TG: variants seen among roughly 807,000 people sequenced by gnomAD.
TG encodes the protein thyroglobulin, also known as thyroid hormones.
In TG, 270 loss-of-function variants were observed where a neutral mutation model predicts 324.7. That is an observed-to-expected ratio of 0.83 (90% confidence interval 0.75 to 0.92). The LOEUF (loss-of-function observed/expected upper bound fraction) is 0.92. Among genes scored for constraint, TG ranks in the 40% least tolerant of loss-of-function variants. TG has a pLI of 0.00. For synonymous variants in TG, 1,401 were observed against 1,327.0 expected, an observed-to-expected ratio of 1.06 and a Z score of -1.21; for missense variants, 3,591 against 3,456.4, an observed-to-expected ratio of 1.04 and a Z score of -0.98.
chr8:133,025,764 C>T (rs1177867924), intron 40 of TG, among the ~76,000 whole-genome samples: 1 of 152,172 alleles, frequency 6.6e-6, no homozygotes, highest in African/African-American at 2.4e-5. Context: ...TTGAAAATTG[C>T]AGTTCAGAAC....
chr8:132,875,059 C>T (rs1224263191), intron 5 of TG, among the ~76,000 whole-genome samples: 1 of 152,178 alleles, frequency 6.6e-6, no homozygotes, highest in Non-Finnish European at 1.5e-5. Context: ...CCTCAGTGTT[C>T]CCATCCGTCA....
intron 26 of TG, 140 bp from the exon 27 acceptor site, chr8:132,948,636 G>C (rs1165579954): frequency 1.3e-5 from 13 of 970,514 alleles, no homozygotes; most frequent in Admixed American, 3.5e-5. Context: ...TTAAAACCAG[G>C]CTCTTGAATT....
At chr8:133,096,615 T>C (rs1465352252) in intron 43 of TG, among the ~76,000 whole-genome samples, 2 of 152,206 alleles carry the variant, frequency 1.3e-5, no homozygotes, top group African/African-American at 2.4e-5. Flanking sequence ...AAACTGGAGC[T>C]GACCCAGAAG....
chr8:133,096,345 G>A lies in TG; in HGVS notation c.7544G>A (p.Gly2515Glu). Residue 2515 changes from glycine (G) to glutamate (E), a missense_variant, in exon 43 of 48, where the codon GGG becomes GAG. Transcript: ENST00000220616. ...CTCATTGGGAGTTCTCAGGACGACGGGCTCATCAACAGAGCAAAGGCTGTG... is the reference window on the plus strand; with the variant it reads ...CTCATTGGGAGTTCTCAGGACGACGAGCTCATCAACAGAGCAAAGGCTGTG... ...DLLIGSSQDD[G>E]LINRAKAVKQ... The A allele has an allele frequency of 6.2e-7, 1 of 1,614,186 alleles. No individual in the cohort carries two copies. Among genetic ancestry groups the A allele is most frequent in the Non-Finnish European group, 8.5e-7 (1 of 1,180,044 alleles).
At chr8:133,034,019 GAA>G (rs1836865539) in intron 41 of TG, among the ~76,000 whole-genome samples, 1 of 152,218 alleles carries the variant, frequency 6.6e-6, no homozygotes, top group Non-Finnish European at 1.5e-5. Flanking sequence ...TTTGGACTCA[GAA>G]CACTGTTCTC....
chr8:133,055,365 G>GCA (rs869172140), intron 41 of TG, among the ~76,000 whole-genome samples: 77 of 62,254 alleles, frequency 1.2e-3, no homozygotes, highest in African/African-American at 2.3e-3. Flanking sequence ...ACGCACGCGC[G>GCA]CACACACACA....
At chr8:132,922,464 T>C (rs1821244353) in intron 21 of TG, among the ~76,000 whole-genome samples, 2 of 152,192 alleles carry the variant, frequency 1.3e-5, no homozygotes, top group South Asian at 4.1e-4. Context: ...CAGTCATCAA[T>C]CGTTCATTCA....
intron 35 of TG, among the ~76,000 whole-genome samples, chr8:132,997,829 C>T (rs1833026365): frequency 6.6e-6 from 1 of 152,180 alleles, no homozygotes; most frequent in Non-Finnish European, 1.5e-5. Flanking sequence ...TCATAGATTA[C>T]TTGTGACAGT....
chr8:132,901,585 G>A, intron 16 of TG, 32 bp downstream of exon 16: 7 of 1,601,432 alleles, frequency 4.4e-6, no homozygotes, highest in Non-Finnish European at 6.0e-6. Flanking sequence ...GGACGACGAG[G>A]CCTGCATATC....
At chr8:133,035,390 T>C (rs1837007175) in intron 41 of TG, among the ~76,000 whole-genome samples, 1 of 152,238 alleles carries the variant, frequency 6.6e-6, no homozygotes, top group Admixed American at 6.5e-5. Context: ...AATTGGAAGA[T>C]TCTGACTCTG....
chr8:133,012,126 A>G, intron 36 of TG, 91 bp downstream of exon 36: 4 of 1,563,316 alleles, frequency 2.6e-6, no homozygotes, highest in Non-Finnish European at 2.6e-6. Flanking sequence ...CACATGAGAC[A>G]CTACGATAAC....
chr8:133,061,952 G>A (rs981566653), intron 41 of TG, among the ~76,000 whole-genome samples: 2 of 152,144 alleles, frequency 1.3e-5, no homozygotes, highest in African/African-American at 2.4e-5. Flanking sequence ...TTAAAAGTCC[G>A]TATATCTTAG....
chr8:132,948,311 G>A (rs1372577529), intron 26 of TG, among the ~76,000 whole-genome samples: 5 of 151,804 alleles, frequency 3.3e-5, no homozygotes, highest in Non-Finnish European at 7.4e-5. Flanking sequence ...GCGAGAGTGA[G>A]AGCGAGAGCG....
At chr8:132,899,343 A>C (rs1316434076) in intron 14 of TG, among the ~76,000 whole-genome samples, 1 of 152,230 alleles carries the variant, frequency 6.6e-6, no homozygotes, top group Non-Finnish European at 1.5e-5. Flanking sequence ...GTAACAATTC[A>C]TAATTCAGCG....
At chr8:132,926,126 C>T (rs576020229) in intron 22 of TG, among the ~76,000 whole-genome samples, 1 of 152,314 alleles carries the variant, frequency 6.6e-6, no homozygotes, top group South Asian at 2.1e-4. Flanking sequence ...GAGGAACTTT[C>T]TCTTCGGGAG....
rs546760574 is a variant in TG at position 132,945,720 on chromosome 8, G to A, written c.5234-3056G>A. On this transcript the variant is annotated intron_variant, in intron 26 of 47. Transcript: ENST00000220616. ...ATAACAGGTAGAGAATATGCAAAGA[G>A]ATAGAGAAGGAGCAGCCAGAGGGGG... 4.6e-5 allele frequency among the ~76,000 whole-genome samples: 7 copies of A among 152,238 alleles called. No individual in the cohort carries two copies. The South Asian group carries it at 1.5e-3, about 32-fold the overall frequency.
intron 26 of TG, among the ~76,000 whole-genome samples, chr8:132,944,341 T>C (rs929830645): frequency 3.9e-5 from 6 of 152,202 alleles, no homozygotes; most frequent in Admixed American, 2.0e-4. Context: ...ACTACTTGAC[T>C]AGATTCCCCA....
intron 41 of TG, among the ~76,000 whole-genome samples, chr8:133,035,544 A>T (rs932073607): frequency 6.6e-6 from 1 of 152,180 alleles, no homozygotes; most frequent in Admixed American, 6.5e-5. Flanking sequence ...TTGTATATTA[A>T]AATCTCCAAA....
In TG at chr8:132,983,346, T is replaced by C. The variant is rs754351468; in HGVS notation, c.6200-4T>C. ...GAACTGAAAGACTGCTTTTTCCTTT[T>C]CAGTTGCTCAAAATAATGCTCCCAG... On this transcript the variant is annotated splice_polypyrimidine_tract_variant and splice_region_variant and intron_variant, in intron 34 of 47. Coordinates refer to ENST00000220616, the MANE Select transcript of TG (RefSeq NM_003235.5). 1.9e-6 allele frequency: 3 copies of C among 1,614,154 alleles called. No individual in the cohort carries two copies. The highest frequency in any genetic ancestry group is 2.5e-6 in the Non-Finnish European group (3 of 1,180,006).
Sources: gnomAD v4.1 joint callset for allele counts (sites outside exome capture counted in the v4.1 genomes callset) on GRCh38, gnomAD v4.1.1 for gene constraint, MANE v1.5 for transcripts, NCBI Gene and HGNC (gene_info 2026-07-23, HGNC 2026-07-21) for gene names.